Variants in FRMD3 observed in about 807,000 individuals in gnomAD.
FRMD3 encodes the protein FERM domain-containing protein 3.
FRMD3 carries 33 observed loss-of-function variants against 70.2 expected under a neutral mutation model. The observed-to-expected ratio is 0.47, with a 90% CI of 0.36 to 0.63. The LOEUF is 0.63. Among genes scored for constraint, FRMD3 ranks in the 20% least tolerant of loss-of-function variants. FRMD3 has a pLI of 0.00. For synonymous variants in FRMD3, 279 were observed against 255.9 expected, an observed-to-expected ratio of 1.09 and a Z score of -0.86; for missense variants, 632 against 711.4, an observed-to-expected ratio of 0.89 and a Z score of 1.27.
At chr9:83,430,323 C>T (rs566087485) in intron 1 of FRMD3, among the ~76,000 whole-genome samples, 6 of 152,290 alleles carry the variant, frequency 3.9e-5, no homozygotes, top group South Asian at 4.1e-4. Flanking sequence ...CCAAGATTGG[C>T]TCCATTTGGT....
the FRMD3 span, among the ~76,000 whole-genome samples, chr9:83,548,540 C>T: frequency 6.6e-6 from 1 of 152,042 alleles, no homozygotes. Context: ...ATGCAAACAG[C>T]AGTAAAAAGA....
intron 10 of FRMD3, among the ~76,000 whole-genome samples, chr9:83,304,529 G>A (rs180765417): frequency 2.0e-5 from 3 of 152,174 alleles, no homozygotes. Context: ...GCTAGTCTGG[G>A]TTCTTACCTA....
chr9:83,449,571 C>T (rs1319878278), intron 1 of FRMD3, among the ~76,000 whole-genome samples: 1 of 152,162 alleles, frequency 6.6e-6, no homozygotes, highest in Non-Finnish European at 1.5e-5. Flanking sequence ...GGTCCAGAAC[C>T]CAGGCCTCTG....
At chr9:83,460,013 G>A (rs576412148) in intron 1 of FRMD3, among the ~76,000 whole-genome samples, 9 of 152,280 alleles carry the variant, frequency 5.9e-5, no homozygotes, top group Admixed American at 3.9e-4. Flanking sequence ...CATCGGGCAG[G>A]GCCCCACCCT....
At position 83,272,122 on chromosome 9, in the gene FRMD3, CCT is replaced by C. The variant is rs1441549797; in HGVS notation, c.1195+18479_1195+18480del. 4.6e-5 allele frequency among the ~76,000 whole-genome samples: 7 copies of C among 151,866 alleles called. No homozygotes were observed. In the East Asian group the frequency reaches 1.4e-3, roughly 30 times the overall value. On this transcript the variant is annotated intron_variant, in intron 13 of 13. Coordinates refer to ENST00000304195, the MANE Select transcript of FRMD3 (RefSeq NM_174938.6). The stretch of plus-strand genomic sequence containing the variant: ...TGTCTCCCTCTCTCTCCTCTGTCTC[CCT>C]CTCTCTCCACGGTCTCCCTCTGATG...
chr9:83,356,696 A>G (rs1355678569), intron 3 of FRMD3, among the ~76,000 whole-genome samples: 1 of 151,980 alleles, frequency 6.6e-6, no homozygotes, highest in African/African-American at 2.4e-5. Flanking sequence ...TCTCATATAC[A>G]TTCTGATTTA....
chr9:83,248,136 T>C lies in FRMD3; in HGVS notation c.1576A>G (p.Lys526Glu). The C allele has an allele frequency of 1.2e-6, 2 of 1,614,194 alleles. No individual in the cohort carries two copies. Among genetic ancestry groups the C allele is most frequent in the Non-Finnish European group, 8.5e-7 (1 of 1,180,040 alleles). ...TGHIRVNPLV[K>E]SFSRLLVVGL... is the part of the protein sequence containing the mutation. ...ACCACAAGGAGCCTGGAAAAACTCT[T>C]GACCAGTGGGTTCACCCGAATATGG... Residue 526 changes from lysine to glutamate, a missense_variant, in exon 14 of 14, where the codon AAG becomes GAG. This residue lies in a region of FRMD3 where 418 missense variants were observed against 442.1 expected (regional missense o/e 0.95). Coordinates refer to ENST00000304195, the MANE Select transcript of FRMD3 (RefSeq NM_174938.6).
At chr9:83,575,586 C>T in the FRMD3 span, among the ~76,000 whole-genome samples, 1 of 152,034 alleles carries the variant, frequency 6.6e-6, no homozygotes, top group African/African-American at 2.4e-5. Context: ...GGAGAGTTCT[C>T]ATATTAAGAG....
At chr9:83,423,596 T>TC (rs1826709439) in intron 1 of FRMD3, among the ~76,000 whole-genome samples, 1 of 133,476 alleles carries the variant, frequency 7.5e-6, no homozygotes, top group African/African-American at 2.9e-5. Flanking sequence ...TTTTTTTTTT[T>TC]TTTTTTTTTT....
chr9:83,507,738 A>ATCTC (rs1829235136), intron 1 of FRMD3, among the ~76,000 whole-genome samples: 1 of 112,446 alleles, frequency 8.9e-6, no homozygotes, highest in Admixed American at 9.6e-5. Context: ...ATATATATAT[A>ATCTC]TCTTCTGGAA....
Position 83,418,525 on chromosome 9 carries a change from A to C in FRMD3, c.148-28817T>G, listed in dbSNP as rs577206772. Among the ~76,000 whole-genome samples the C allele has an allele frequency of 1.8e-4, 27 of 152,364 alleles. No individual in the cohort carries two copies. The South Asian group carries it at 5.4e-3, about 30-fold the overall frequency. The stretch of plus-strand genomic sequence containing the variant: ...AAACAGCCAGTAAACGTATGAAAAA[A>C]ATGCTCAACATCACTAATCATCAGG... On this transcript the variant is annotated intron_variant, in intron 1 of 13. Transcript: ENST00000304195.
chr9:83,405,202 C>T (rs1452826385), intron 1 of FRMD3, among the ~76,000 whole-genome samples: 1 of 152,160 alleles, frequency 6.6e-6, no homozygotes, highest in East Asian at 1.9e-4. Flanking sequence ...CAACTGATAG[C>T]CCTTGGCAAT....
rs1055223835 is a variant in FRMD3, at chr9:83,246,736, A to T, written c.*1182T>A. 13 of 985,118 alleles carry T rather than the reference A, an allele frequency of 1.3e-5. No individual in the cohort carries two copies. The Admixed American group carries it at 2.5e-4, about 19-fold the overall frequency. The allele number at this position is 985,118 out of a possible 1,614,324, so 61.0% of individuals were successfully genotyped here. A position where few individuals can be genotyped will look rare whatever the true frequency, so the allele number is the denominator to read the frequency against. On this transcript the variant is annotated 3_prime_UTR_variant, in exon 14 of 14. Transcript: ENST00000304195. ...GAAGTTTCTTCTACAGAATCACAAC[A>T]AATGGCATGAGGGATCAAAATATTT...
chr9:83,372,783 G>A (rs951682072), intron 3 of FRMD3, 130 bp downstream of exon 3: 3 of 795,364 alleles, frequency 3.8e-6, no homozygotes, highest in South Asian at 3.1e-5. Flanking sequence ...CTCCTGGGGA[G>A]AGAGAAGCCC....
At chr9:83,353,367 TA>T (rs1824228161) in intron 3 of FRMD3, among the ~76,000 whole-genome samples, 1 of 152,184 alleles carries the variant, frequency 6.6e-6, no homozygotes, top group Non-Finnish European at 1.5e-5. Context: ...TTTTATAAAG[TA>T]GTACTGCTAA....
At chr9:83,414,233 A>G (rs1183287294) in intron 1 of FRMD3, among the ~76,000 whole-genome samples, 2 of 152,140 alleles carry the variant, frequency 1.3e-5, no homozygotes, top group African/African-American at 4.8e-5. Context: ...TGGTTGCACA[A>G]CTCTGTAAAT....
At chr9:83,585,098 T>C in the FRMD3 span, among the ~76,000 whole-genome samples, 1 of 152,134 alleles carries the variant, frequency 6.6e-6, no homozygotes, top group Non-Finnish European at 1.5e-5. Flanking sequence ...TGAGTCCTGC[T>C]ATGTCTGGGT....
At chr9:83,548,173 G>T in the FRMD3 span, among the ~76,000 whole-genome samples, 1 of 152,178 alleles carries the variant, frequency 6.6e-6, no homozygotes, top group African/African-American at 2.4e-5. Context: ...AGTTTCTTAT[G>T]AAACTAAACA....
At chr9:83,291,533 A>G (rs1834419060) in intron 12 of FRMD3, among the ~76,000 whole-genome samples, 1 of 151,950 alleles carries the variant, frequency 6.6e-6, no homozygotes, top group Non-Finnish European at 1.5e-5. Flanking sequence ...CTTCCCCTGG[A>G]AGCCTTCCCA....
Sources: allele counts gnomAD v4.1 joint callset (sites outside exome capture counted in the v4.1 genomes callset), GRCh38; gene constraint gnomAD v4.1.1; regional missense constraint gnomAD v4.1.1; transcripts MANE v1.5; gene names NCBI Gene and HGNC (gene_info 2026-07-23, HGNC 2026-07-21).